The following SEMA4A variants were observed in gnomAD, a reference collection of about 807,000 sequenced individuals.
SEMA4A encodes semaphorin 4A, also known as semaphorin-4A.
In SEMA4A, 52 loss-of-function variants were observed where a neutral mutation model predicts 72.5. That is an observed-to-expected ratio of 0.72 (90% CI 0.57 to 0.90). The LOEUF (loss-of-function observed/expected upper bound fraction) is 0.90. SEMA4A is among the 40% of genes least tolerant of loss of function. The pLI is 0.00. For missense variants in SEMA4A, 926 were observed against 959.7 expected, an observed-to-expected ratio of 0.96 and a Z score of 0.46; for synonymous variants, 369 against 393.1, an observed-to-expected ratio of 0.94 and a Z score of 0.73.
chr1:156,170,492 C>A (rs1288152399), intron 10 of SEMA4A, among the ~76,000 whole-genome samples: 2 of 137,358 alleles, frequency 1.5e-5, no homozygotes, highest in African/African-American at 5.6e-5. Flanking sequence ...AAAGGCCAGG[C>A]GCTTGTAATC....
At chr1:156,151,638 G>A (rs951169606), upstream of SEMA4A, among the ~76,000 whole-genome samples, 2 of 151,978 alleles carry the variant, frequency 1.3e-5, no homozygotes, top group African/African-American at 4.8e-5. Context: ...TTTGAGAGCA[G>A]CCTAGCCAGC....
intron 10 of SEMA4A, among the ~76,000 whole-genome samples, chr1:156,163,720 CA>C (rs34408918): frequency 0.056 from 987 of 17,768 alleles, 6 homozygotes; most frequent in African/African-American, 0.2. Context: ...GACTCAGTCT[CA>C]AAAAAAAAAA....
At chr1:156,164,422 T>TG (rs1653973176) in intron 10 of SEMA4A, among the ~76,000 whole-genome samples, 1 of 152,228 alleles carries the variant, frequency 6.6e-6, no homozygotes, top group Admixed American at 6.5e-5. Context: ...AGAGCTGACT[T>TG]GCAGCAGCCA....
upstream of SEMA4A, among the ~76,000 whole-genome samples, chr1:156,148,571 C>G (rs900364176): frequency 6.6e-6 from 1 of 152,208 alleles, no homozygotes; most frequent in Non-Finnish European, 1.5e-5. Context: ...TTTCCTTCCT[C>G]TTAAAAATAC....
chr1:156,149,180 G>A (rs921668199), upstream of SEMA4A, among the ~76,000 whole-genome samples: 4 of 152,160 alleles, frequency 2.6e-5, no homozygotes, highest in African/African-American at 9.7e-5. Flanking sequence ...TAGTAACAAG[G>A]CTGTTTAGGA....
rs1454412019 is a variant in SEMA4A at position 156,172,289 on chromosome 1, T to C, written c.1135-537T>C. On this transcript the variant is annotated intron_variant, in intron 10 of 14. Transcript: ENST00000368285. ...TGCCACCACCCCCAGCTAATATTTG[T>C]ATTTTTAGTGGAGACGGGGTTTCAC... Among the ~76,000 whole-genome samples the C allele has an allele frequency of 3.3e-5, 5 of 151,846 alleles. No individual in the cohort carries two copies. In the East Asian group the frequency reaches 9.7e-4, roughly 29 times the overall value.
At chr1:156,158,635 C>G (rs546227653) in intron 5 of SEMA4A, 84 bp from the exon 6 acceptor site, 1 of 1,350,568 alleles carries the variant, frequency 7.4e-7, no homozygotes, top group African/African-American at 1.4e-5. Context: ...CCCTCTATGT[C>G]CCTTTCCCTT....
intron 11 of SEMA4A, 78 bp from the exon 12 acceptor site, chr1:156,174,744 G>A (rs975333123): frequency 2.6e-5 from 42 of 1,593,208 alleles, no homozygotes; most frequent in Admixed American, 3.4e-5. Context: ...CTTTCTTACA[G>A]CTGGGGAGGC....
Position 156,158,834 on chromosome 1 carries a change from A to G in SEMA4A, c.568+10A>G. 6.2e-7 allele frequency: 1 copy of G among 1,600,048 alleles called. No individual in the cohort carries two copies. Among genetic ancestry groups the G allele is most frequent in the Non-Finnish European group, 8.6e-7 (1 of 1,167,366 alleles). ...ACGGCTGTCTTGGTGGGTGAGTATC[A>G]GGTTTCCCACTTCATCCCAACATCT... On this transcript the variant is annotated intron_variant, in intron 6 of 14. Transcript: ENST00000368285.
chr1:156,170,753 CAA>C (rs1402562759), intron 10 of SEMA4A, among the ~76,000 whole-genome samples: 20 of 71,778 alleles, frequency 2.8e-4, no homozygotes, highest in Admixed American at 7.8e-4. Context: ...GACTCCGTCT[CAA>C]AAAAAAAAAA....
intron 11 of SEMA4A, among the ~76,000 whole-genome samples, chr1:156,173,667 G>A (rs1429539037): frequency 6.6e-6 from 1 of 152,136 alleles, no homozygotes; most frequent in Non-Finnish European, 1.5e-5. Context: ...GGTGTGACTT[G>A]GTGGGTGTGC....
rs766983966 is a variant in SEMA4A at position 156,169,407 on chromosome 1, CTTTTTTT to C, written c.1135-3399_1135-3393del. 6.1e-3 allele frequency among the ~76,000 whole-genome samples: 522 copies of C among 85,230 alleles called. 8 individuals carry two copies. The East Asian group carries it at 0.1, about 17-fold the overall frequency. The allele number at this position is 85,230 out of a possible 152,430, so 55.9% of individuals were successfully genotyped here. On this transcript the variant is annotated intron_variant, in intron 10 of 14. Coordinates refer to ENST00000368285, the MANE Select transcript of SEMA4A (RefSeq NM_022367.4). Reference sequence around the variant, plus strand: ...CATCTAGGTTTATGTCTTTTCTTTTCTTTTTTTTTTTTTTTTTTTTTTTTTTGAGACG... The same window carrying C: ...CATCTAGGTTTATGTCTTTTCTTTTCTTTTTTTTTTTTTTTTTTTGAGACG...
At position 156,177,380 on chromosome 1, in the gene SEMA4A, A is replaced by G. The variant is rs1655455636; in HGVS notation, c.*383A>G. 3 of 328,440 alleles carry G rather than the reference A, an allele frequency of 9.1e-6. No individual in the cohort carries two copies. Among genetic ancestry groups the G allele is most frequent in the African/African-American group, 2.1e-5 (1 of 46,978 alleles). The allele number at this position is 328,440 out of a possible 1,614,324, so 20.3% of individuals were successfully genotyped here. ...GACCCTATGGTAATGAACACCAAAC[A>G]TCTAAACAATCATATGCTAACATGC... On this transcript the variant is annotated 3_prime_UTR_variant, in exon 15 of 15. Transcript: ENST00000368285.
At chr1:156,162,836 G>GCTCTCCA (rs1653787839) in intron 9 of SEMA4A, 108 bp from the exon 10 acceptor site, 1 of 1,398,162 alleles carries the variant, frequency 7.2e-7, no homozygotes, top group Non-Finnish European at 1.0e-6. Context: ...GGCTGGCCCA[G>GCTCTCCA]CTCTCCACAC....
intron 14 of SEMA4A, 140 bp downstream of exon 14, chr1:156,175,796 G>A: frequency 1.4e-6 from 1 of 704,894 alleles, no homozygotes; most frequent in African/African-American, 1.8e-5. Flanking sequence ...ATGGATTTGG[G>A]TCCTGGCTAT....
Position 156,160,980 on chromosome 1 carries a change from T to C in SEMA4A, c.761T>C (p.Phe254Ser), listed in dbSNP as rs777268671. ...YFFFEETASE[F>S]DFFERLHTSR... ...TTCTTCGAGGAGACAGCCAGCGAGT[T>C]TGACTTCTTTGAGAGGCTCCACACA... The change falls in exon 8 of 15, where the codon TTT (phenylalanine) becomes TCT (serine). Residue 254 changes from phenylalanine (F) to serine (S), a missense_variant. Physicochemically the swap from Phe to Ser is radical, Grantham distance 155. Transcript: ENST00000368285. The C allele has an allele frequency of 3.7e-6, 6 of 1,608,160 alleles. No homozygotes were observed. The African/African-American group carries it at 5.4e-5, about 15-fold the overall frequency.
chr1:156,173,055 GC>G, intron 11 of SEMA4A, 49 bp downstream of exon 11: 1 of 1,577,872 alleles, frequency 6.3e-7, no homozygotes. Context: ...AGCAGAGGAT[GC>G]CCCCAGGTTG....
At chr1:156,159,679 C>T (rs936487627) in intron 6 of SEMA4A, among the ~76,000 whole-genome samples, 4 of 151,746 alleles carry the variant, frequency 2.6e-5, no homozygotes, top group East Asian at 1.9e-4. Flanking sequence ...GAGGCTGAGG[C>T]GGGTGGATCA....
At chr1:156,175,477 T>G in intron 13 of SEMA4A, 79 bp from the exon 14 acceptor site, 1 of 1,243,852 alleles carries the variant, frequency 8.0e-7, no homozygotes, top group South Asian at 1.2e-5. Flanking sequence ...TCTTCCCTAC[T>G]GCACTTCCTC....
Sources: allele counts gnomAD v4.1 joint callset (sites outside exome capture counted in the v4.1 genomes callset), GRCh38; gene constraint gnomAD v4.1.1; transcripts MANE v1.5; gene names NCBI Gene and HGNC (gene_info 2026-07-23, HGNC 2026-07-21).